The following DNM3 variants were observed in gnomAD, a reference collection of about 807,000 sequenced individuals.
The protein encoded by DNM3 is dynamin 3.
In DNM3, 47 loss-of-function variants were observed where a neutral mutation model predicts 101.6. That is an observed-to-expected ratio of 0.46 (90% CI 0.37 to 0.59). The LOEUF (loss-of-function observed/expected upper bound fraction) is 0.59, where lower values mean the gene tolerates loss of function less well. DNM3 is among the 20% of genes least tolerant of loss of function. The pLI, the probability that DNM3 is intolerant of heterozygous loss-of-function variation, is 0.00. For synonymous variants in DNM3, 385 were observed against 387.9 expected, an observed-to-expected ratio of 0.99 and a Z score of 0.09; for missense variants, 849 against 1,085.7, an observed-to-expected ratio of 0.78 and a Z score of 3.06.
intron 14 of DNM3, among the ~76,000 whole-genome samples, chr1:172,159,717 C>T (rs1235592817): frequency 1.3e-5 from 2 of 151,958 alleles, no homozygotes; most frequent in Non-Finnish European, 2.9e-5. Context: ...CAGCTAATGG[C>T]CACAATAGAT....
intron 14 of DNM3, among the ~76,000 whole-genome samples, chr1:172,149,052 A>G (rs188826195): frequency 7.2e-5 from 11 of 152,330 alleles, no homozygotes; most frequent in Admixed American, 5.2e-4. Context: ...GCTATAAATC[A>G]TAAACTTAAT....
intron 14 of DNM3, among the ~76,000 whole-genome samples, chr1:172,152,842 C>T (rs576335313): frequency 6.6e-6 from 1 of 152,140 alleles, no homozygotes; most frequent in African/African-American, 2.4e-5. Flanking sequence ...GGTTTTTAAC[C>T]ATGTAAGATA....
chr1:172,162,567 G>C (rs2058583981), intron 14 of DNM3, among the ~76,000 whole-genome samples: 1 of 151,988 alleles, frequency 6.6e-6, no homozygotes, highest in South Asian at 2.1e-4. Context: ...ATTCCACTAA[G>C]GGGTAAGAAA....
chr1:172,396,083 C>T (rs990097794), intron 20 of DNM3, among the ~76,000 whole-genome samples: 3 of 152,210 alleles, frequency 2.0e-5, no homozygotes, highest in African/African-American at 7.2e-5. Context: ...TCAGGCATCA[C>T]AGCCACGCAA....
intron 2 of DNM3, among the ~76,000 whole-genome samples, chr1:171,985,632 T>C (rs1343301228): frequency 6.6e-6 from 1 of 152,196 alleles, no homozygotes; most frequent in Non-Finnish European, 1.5e-5. Flanking sequence ...GAAACTAAGA[T>C]AGAAAGAGAA....
In DNM3 at chr1:171,989,039, T is replaced by C. The variant is rs765094722; in HGVS notation, c.480T>C (p.Ile160=). The change falls in exon 4 of 21, where the codon ATT becomes ATC. Residue 160 remains isoleucine (I), a synonymous_variant. Transcript: ENST00000627582. ...TCGAGTATCAGATCAGAGAAATGAT[T>C]ATGCAGTTCATCACGAGGGAGAACT... ...PDIEYQIREM[I]MQFITRENCL... is the part of the protein sequence containing the mutation. 36 of 1,612,186 alleles carry C rather than the reference T, an allele frequency of 2.2e-5. 1 individual carries two copies. The South Asian group carries it at 3.8e-4, about 17-fold the overall frequency.
intron 14 of DNM3, among the ~76,000 whole-genome samples, chr1:172,226,063 C>T (rs951269700): frequency 6.6e-6 from 1 of 152,018 alleles, no homozygotes; most frequent in Non-Finnish European, 1.5e-5. Flanking sequence ...TAGTTTGTAA[C>T]TATTTTTTAA....
chr1:171,841,553 G>T lies in DNM3; in HGVS notation c.-104G>T. ...CGACGTCTGCGCCAGGACCTGGCTG[G>T]CTGAGCCCGGCGCAGCAGCAGCAGC... On this transcript the variant is annotated 5_prime_UTR_variant, in exon 1 of 21. Coordinates refer to ENST00000627582, the MANE Select transcript of DNM3 (RefSeq NM_015569.5). 6.9e-7 allele frequency: 1 copy of T among 1,457,440 alleles called. No homozygotes were observed. The highest frequency in any genetic ancestry group is 1.3e-5 in the South Asian group (1 of 77,270). 90.3% of individuals were successfully genotyped at this position (1,457,440 alleles called of 1,614,324 possible).
chr1:172,389,837 A>G (rs1288193770), intron 20 of DNM3, among the ~76,000 whole-genome samples: 1 of 152,212 alleles, frequency 6.6e-6, no homozygotes, highest in East Asian at 1.9e-4. Context: ...CGTAATGAAG[A>G]GAAGAGAAGA....
chr1:171,947,057 C>T (rs987259532), intron 2 of DNM3, among the ~76,000 whole-genome samples: 2 of 152,164 alleles, frequency 1.3e-5, no homozygotes, highest in African/African-American at 2.4e-5. Flanking sequence ...CAAACCATAG[C>T]AATGCCCAAT....
chr1:172,406,469 C>T (rs944537099), intron 20 of DNM3, among the ~76,000 whole-genome samples: 1 of 151,910 alleles, frequency 6.6e-6, no homozygotes, highest in African/African-American at 2.4e-5. Context: ...CCTGTAATTC[C>T]AGTGCTTTGT....
In DNM3 at chr1:172,100,174, T is replaced by C. The variant is rs1013347050; in HGVS notation, c.1545+7299T>C. Among the ~76,000 whole-genome samples the C allele has an allele frequency of 3.9e-5, 6 of 152,342 alleles. No homozygotes were observed. In the East Asian group the frequency reaches 1.2e-3, roughly 29 times the overall value. ...CATGTGCCCACTATTGTTCTAACTT[T>C]AGACTGGAATATGAAATTTGGCTTC... On this transcript the variant is annotated intron_variant, in intron 13 of 20. Coordinates refer to ENST00000627582, the MANE Select transcript of DNM3 (RefSeq NM_015569.5).
chr1:171,970,199 T>C, intron 2 of DNM3: 1 of 624,792 alleles, frequency 1.6e-6, no homozygotes, highest in Non-Finnish European at 2.0e-6. Context: ...GAAATAATTT[T>C]TAAAATAATC....
chr1:172,290,094 G>C lies in DNM3; in HGVS notation c.1770-18634G>C, dbSNP rs2063845668. The stretch of plus-strand genomic sequence containing the variant: ...TTGAATGCTGAGAAAATACTGGTGA[G>C]ACTAGTCAGTCAACAAATATTAATG... On this transcript the variant is annotated intron_variant, in intron 15 of 20. Coordinates refer to ENST00000627582, the MANE Select transcript of DNM3 (RefSeq NM_015569.5). 8.2e-6 allele frequency: 6 copies of C among 732,824 alleles called. No individual in the cohort carries two copies. The South Asian group carries it at 3.1e-4, about 38-fold the overall frequency. The allele number at this position is 732,824 out of a possible 1,614,324, so 45.4% of individuals were successfully genotyped here.
chr1:172,359,444 G>C (rs1261414885), intron 17 of DNM3, among the ~76,000 whole-genome samples: 2 of 151,492 alleles, frequency 1.3e-5, no homozygotes, highest in African/African-American at 4.8e-5. Context: ...GATTTTTTTT[G>C]TCTTAATTTC....
At position 172,283,780 on chromosome 1, in the gene DNM3, A is replaced by AAAAAAAAAAAAAG. The variant is rs1553221113; in HGVS notation, c.1770-24945_1770-24944insAAAAAAAAAGAAA. Among the ~76,000 whole-genome samples, 299 of 118,906 alleles carry AAAAAAAAAAAAAG rather than the reference A, an allele frequency of 2.5e-3. 8 individuals carry two copies. The highest frequency in any genetic ancestry group is 9.4e-3 in the African/African-American group (277 of 29,464). 78.0% of individuals were successfully genotyped at this position (118,906 alleles called of 152,430 possible). ...ATCTCAAAAAAAAAAAAAAAAAAAA[A>AAAAAAAAAAAAAG]AAAGAAAGAAAGAAAGAAAACCAAG... On this transcript the variant is annotated intron_variant, in intron 15 of 20. Coordinates refer to ENST00000627582, the MANE Select transcript of DNM3 (RefSeq NM_015569.5).
At chr1:171,998,871 G>A (rs2046183947) in intron 4 of DNM3, among the ~76,000 whole-genome samples, 1 of 152,070 alleles carries the variant, frequency 6.6e-6, no homozygotes, top group South Asian at 2.1e-4. Context: ...ACAAAGGAAT[G>A]AGAGTGGAAC....
At chr1:171,886,758 T>C (rs972503872) in intron 1 of DNM3, among the ~76,000 whole-genome samples, 2 of 152,174 alleles carry the variant, frequency 1.3e-5, no homozygotes, top group Non-Finnish European at 1.5e-5. Flanking sequence ...AAGTCATTAG[T>C]AGTGAACAAG....
At chr1:172,372,375 A>G (rs1339361140) in intron 17 of DNM3, among the ~76,000 whole-genome samples, 1 of 152,004 alleles carries the variant, frequency 6.6e-6, no homozygotes, top group Non-Finnish European at 1.5e-5. Flanking sequence ...CAAGAATTCT[A>G]TTAAAACAGC....
Sources: allele counts gnomAD v4.1 joint callset (sites outside exome capture counted in the v4.1 genomes callset), GRCh38; gene constraint gnomAD v4.1.1; transcripts MANE v1.5; gene names NCBI Gene and HGNC (gene_info 2026-07-23, HGNC 2026-07-21).